ZNF385B: variants seen among roughly 807,000 people sequenced by gnomAD.
The protein encoded by ZNF385B is zinc finger protein 385B, also known as zinc finger protein 533.
In ZNF385B, 23 loss-of-function variants were observed where a neutral mutation model predicts 39.2. The ratio of observed to expected loss-of-function variants is 0.59; its 90% CI spans 0.42 to 0.83. The LOEUF (loss-of-function observed/expected upper bound fraction) is 0.83, where lower values mean the gene tolerates loss of function less well. Among genes scored for constraint, ZNF385B ranks in the 40% least tolerant of loss-of-function variants. The pLI is 0.00. For missense variants in ZNF385B, 552 were observed against 598.9 expected (o/e 0.92, Z 0.82); for synonymous variants, 205 against 222.6 (o/e 0.92, Z 0.70).
rs1218286058 is a variant in ZNF385B at position 179,737,506 on chromosome 2, C to A, written c.298+31997G>T. Among the ~76,000 whole-genome samples the A allele has an allele frequency of 7.5e-3, 1,143 of 152,228 alleles. 10 individuals carry two copies. Among genetic ancestry groups the A allele is most frequent in the African/African-American group, 0.025 (1,051 of 41,534 alleles). On this transcript the variant is annotated intron_variant, in intron 3 of 9. Transcript: ENST00000410066. ...TGTAATCCGGCTCCATATCGCCCAT[C>A]AATATCTACCTGTTTTAGGTTTTAA...
intron 3 of ZNF385B, among the ~76,000 whole-genome samples, chr2:179,566,005 T>C (rs1278042174): frequency 2.0e-5 from 3 of 152,218 alleles, no homozygotes; most frequent in South Asian, 2.1e-4. Flanking sequence ...CCAGACTTAA[T>C]TTACTGCTGT....
chr2:179,513,942 A>G (rs1007199832), intron 5 of ZNF385B: 13 of 152,250 alleles, frequency 8.5e-5, no homozygotes, highest in African/African-American at 3.1e-4. Flanking sequence ...GGAGATGTCA[A>G]AAGATGAGAA....
At chr2:179,682,623 T>G (rs1301957288) in intron 3 of ZNF385B, among the ~76,000 whole-genome samples, 1 of 152,224 alleles carries the variant, frequency 6.6e-6, no homozygotes, top group African/African-American at 2.4e-5. Flanking sequence ...AGCATTGGGT[T>G]TGTGATAGTT....
chr2:179,653,121 C>G (rs1339281785), intron 3 of ZNF385B, among the ~76,000 whole-genome samples: 1 of 152,142 alleles, frequency 6.6e-6, no homozygotes, highest in Non-Finnish European at 1.5e-5. Flanking sequence ...GAGTTCAGAA[C>G]TAGGAGCTGG....
chr2:179,711,907 T>C (rs1032007839), intron 3 of ZNF385B, among the ~76,000 whole-genome samples: 1 of 146,052 alleles, frequency 6.8e-6, no homozygotes, highest in Non-Finnish European at 1.5e-5. Flanking sequence ...TTTTTTTTTT[T>C]ACAAATGGTA....
At chr2:179,565,038 A>G (rs1443625026) in intron 3 of ZNF385B, among the ~76,000 whole-genome samples, 1 of 152,048 alleles carries the variant, frequency 6.6e-6, no homozygotes, top group Admixed American at 6.6e-5. Flanking sequence ...CCTTTTTCAT[A>G]CCCATTGCCA....
intron 5 of ZNF385B, among the ~76,000 whole-genome samples, chr2:179,493,783 A>ATTTATGTATATG (rs1559338449): frequency 9.7e-6 from 1 of 103,060 alleles, no homozygotes; most frequent in African/African-American, 3.4e-5. Context: ...ATGTATATAC[A>ATTTATGTATATG]CATATGTATA....
chr2:179,781,831 AATAGCAT>A (rs1704683199), intron 1 of ZNF385B, among the ~76,000 whole-genome samples: 1 of 152,164 alleles, frequency 6.6e-6, no homozygotes, highest in African/African-American at 2.4e-5. Flanking sequence ...ATCAGTTGTA[AATAGCAT>A]ATCAATAACA....
At chr2:179,508,332 C>A (rs369499450) in intron 5 of ZNF385B, among the ~76,000 whole-genome samples, 1 of 152,162 alleles carries the variant, frequency 6.6e-6, no homozygotes, top group Middle Eastern at 3.2e-3. Context: ...TCCCAAACCA[C>A]AAATATATAA....
rs73976404 is a variant in ZNF385B, at chr2:179,543,458, A to G, written c.441+1369T>C. ...AACACAAATACCTCATAAATGTTCT[A>G]TGAAGTATAGCTTAATTCAGTTATG... On this transcript the variant is annotated intron_variant, in intron 4 of 9. Transcript: ENST00000410066. Among the ~76,000 whole-genome samples the G allele has an allele frequency of 1.7e-3, 260 of 152,284 alleles. 2 individuals are homozygous for G. Among genetic ancestry groups the G allele is most frequent in the African/African-American group, 6.1e-3 (252 of 41,560 alleles).
At chr2:179,836,186 A>C (rs994114086) in intron 1 of ZNF385B, among the ~76,000 whole-genome samples, 8 of 152,216 alleles carry the variant, frequency 5.3e-5, no homozygotes, top group African/African-American at 1.9e-4. Flanking sequence ...TACTCACCAC[A>C]TTACACAGTG....
At chr2:179,725,855 CAT>C in intron 3 of ZNF385B, among the ~76,000 whole-genome samples, 1 of 148,422 alleles carries the variant, frequency 6.7e-6, no homozygotes. Context: ...ATACATATAT[CAT>C]ATATCTCATA....
At chr2:179,781,836 C>T (rs576352780) in intron 1 of ZNF385B, among the ~76,000 whole-genome samples, 38 of 152,148 alleles carry the variant, frequency 2.5e-4, no homozygotes, top group African/African-American at 8.9e-4. Context: ...TTGTAAATAG[C>T]ATATCAATAA....
At chr2:179,662,177 C>T (rs1372007247) in intron 3 of ZNF385B, among the ~76,000 whole-genome samples, 1 of 152,254 alleles carries the variant, frequency 6.6e-6, no homozygotes, top group African/African-American at 2.4e-5. Flanking sequence ...AAGGTAACCA[C>T]AAGTGGAGGA....
intron 3 of ZNF385B, among the ~76,000 whole-genome samples, chr2:179,679,673 G>A (rs1351562744): frequency 1.3e-5 from 2 of 152,032 alleles, no homozygotes; most frequent in Non-Finnish European, 2.9e-5. Flanking sequence ...AATGGTTGGT[G>A]GAGATTCCTA....
rs553653393 is a variant in ZNF385B, at chr2:179,441,991, T to G, written c.*1259A>C. ...TGAAAATACAAACAGATTTTATTTT[T>G]TGTACTTTTATTGAAAAGGTACATT... On this transcript the variant is annotated 3_prime_UTR_variant, in exon 10 of 10. Coordinates refer to ENST00000410066, the MANE Select transcript of ZNF385B (RefSeq NM_152520.6). The G allele has an allele frequency of 2.0e-5, 3 of 152,756 alleles. No homozygotes were observed. Among genetic ancestry groups the G allele is most frequent in the South Asian group, 2.1e-4 (1 of 4,832 alleles). The allele number at this position is 152,756 out of a possible 1,614,324, so 9.5% of individuals were successfully genotyped here. A position where few individuals can be genotyped will look rare whatever the true frequency, so the allele number is the denominator to read the frequency against.
chr2:179,502,740 T>C (rs1334281283), intron 5 of ZNF385B, among the ~76,000 whole-genome samples: 1 of 152,178 alleles, frequency 6.6e-6, no homozygotes, highest in South Asian at 2.1e-4. Flanking sequence ...CTGCATCTGT[T>C]GAAGGAACCA....
At chr2:179,475,166 T>C (rs558372401) in intron 6 of ZNF385B, among the ~76,000 whole-genome samples, 3 of 152,136 alleles carry the variant, frequency 2.0e-5, no homozygotes, top group Non-Finnish European at 2.9e-5. Context: ...ACATTTCAAG[T>C]GCTAAAAAGT....
chr2:179,443,119 G>C lies in ZNF385B; in HGVS notation c.*131C>G. Reference sequence around the variant, plus strand: ...TGATGTGTTTCTCTCTGGAATTGGGGGACTGGGTGGTGGGCTGCATTTTGT... The same window carrying C: ...TGATGTGTTTCTCTCTGGAATTGGGCGACTGGGTGGTGGGCTGCATTTTGT... On this transcript the variant is annotated 3_prime_UTR_variant, in exon 10 of 10. Transcript: ENST00000410066. The C allele has an allele frequency of 3.2e-6, 3 of 950,328 alleles. No individual in the cohort carries two copies. Among genetic ancestry groups the C allele is most frequent in the Non-Finnish European group, 4.9e-6 (3 of 606,456 alleles). The allele number at this position is 950,328 out of a possible 1,614,324, so 58.9% of individuals were successfully genotyped here. A position where few individuals can be genotyped will look rare whatever the true frequency, so the allele number is the denominator to read the frequency against.
Sources: allele counts gnomAD v4.1 joint callset (sites outside exome capture counted in the v4.1 genomes callset), GRCh38; gene constraint gnomAD v4.1.1; transcripts MANE v1.5; gene names NCBI Gene and HGNC (gene_info 2026-07-23, HGNC 2026-07-21).